PRKCQ: variants seen among roughly 807,000 people sequenced by gnomAD.
PRKCQ encodes protein kinase C theta type.
Under a neutral mutation model 91.2 loss-of-function variants are expected in PRKCQ, and 41 were observed. The ratio of observed to expected loss-of-function variants is 0.45; its 90% CI spans 0.35 to 0.58. The LOEUF is 0.58. Among genes scored for constraint, PRKCQ ranks in the 20% least tolerant of loss-of-function variants. The pLI is 0.00. For missense variants in PRKCQ, 673 were observed against 896.5 expected (o/e 0.75, Z 3.18); for synonymous variants, 307 against 316.9 (o/e 0.97, Z 0.33).
At chr10:6,413,142 C>A in the PRKCQ span, among the ~76,000 whole-genome samples, 1 of 151,930 alleles carries the variant, frequency 6.6e-6, no homozygotes, top group East Asian at 2.0e-4. Flanking sequence ...TTAGTAGAGA[C>A]GGGGTTTCAC....
chr10:6,562,293 C>T (rs934406800), intron 1 of PRKCQ, among the ~76,000 whole-genome samples: 7 of 152,172 alleles, frequency 4.6e-5, no homozygotes, highest in African/African-American at 1.7e-4. Context: ...CAAGTTTTCC[C>T]TGAAAAGACA....
intron 1 of PRKCQ, among the ~76,000 whole-genome samples, chr10:6,567,485 G>A (rs1253819506): frequency 6.6e-6 from 1 of 152,230 alleles, no homozygotes; most frequent in Non-Finnish European, 1.5e-5. Flanking sequence ...TGCAGACAAA[G>A]ATGAGTGTAG....
chr10:6,445,708 G>A (rs1240436089), intron 15 of PRKCQ, among the ~76,000 whole-genome samples: 1 of 152,196 alleles, frequency 6.6e-6, no homozygotes, highest in Non-Finnish European at 1.5e-5. Context: ...ATATTTACAT[G>A]CTAAAGTTTA....
intron 7 of PRKCQ, among the ~76,000 whole-genome samples, chr10:6,496,669 CT>C (rs961541601): frequency 5.4e-4 from 79 of 145,222 alleles, no homozygotes; most frequent in East Asian, 9.9e-4. Context: ...GTGCAGATTT[CT>C]TTTTTTTTTT....
chr10:6,499,066 G>A (rs1837768846), intron 4 of PRKCQ, among the ~76,000 whole-genome samples: 1 of 152,188 alleles, frequency 6.6e-6, no homozygotes, highest in African/African-American at 2.4e-5. Context: ...AGTAGACTAG[G>A]GGGAGCTGAC....
chr10:6,547,970 C>T (rs1008595532), intron 1 of PRKCQ, among the ~76,000 whole-genome samples: 5 of 149,580 alleles, frequency 3.3e-5, no homozygotes, highest in Admixed American at 6.6e-5. Context: ...AGAAAATTTT[C>T]GCAACCTACT....
At chr10:6,554,280 G>A (rs6602820) in intron 1 of PRKCQ, among the ~76,000 whole-genome samples, 67,157 of 152,086 alleles carry the variant, frequency 0.44, 18,067 homozygotes, top group Admixed American at 0.59. Flanking sequence ...CTGCAACTCC[G>A]AAGAGAGAGA....
At chr10:6,462,438 C>T in intron 13 of PRKCQ, 73 bp from the exon 14 acceptor site, 7 of 1,402,376 alleles carry the variant, frequency 5.0e-6, no homozygotes, top group Non-Finnish European at 4.0e-6. Context: ...CCCAGACTGA[C>T]CTTTTTCTGA....
chr10:6,415,957 G>A, the PRKCQ span, among the ~76,000 whole-genome samples: 2 of 151,994 alleles, frequency 1.3e-5, no homozygotes, highest in African/African-American at 4.8e-5. Context: ...ATATTGGCCA[G>A]GCTGGTCTTG....
chr10:6,427,031 C>T (rs968175131), downstream of PRKCQ: 4 of 152,292 alleles, frequency 2.6e-5, no homozygotes, highest in Non-Finnish European at 5.9e-5. Flanking sequence ...CCATCGTGCC[C>T]AGCCAATCCC....
At chr10:6,450,816 C>T (rs1339678762) in intron 15 of PRKCQ, among the ~76,000 whole-genome samples, 2 of 152,136 alleles carry the variant, frequency 1.3e-5, no homozygotes, top group Non-Finnish European at 2.9e-5. Context: ...CAATCTGCTC[C>T]TGAATGACTA....
chr10:6,394,170 G>A, the PRKCQ span, among the ~76,000 whole-genome samples: 4 of 152,222 alleles, frequency 2.6e-5, no homozygotes, highest in African/African-American at 9.6e-5. Flanking sequence ...GTGTCATGTC[G>A]TTCATTCCTT....
intron 1 of PRKCQ, among the ~76,000 whole-genome samples, chr10:6,527,815 A>G (rs1588386727): frequency 6.6e-6 from 1 of 152,196 alleles, no homozygotes; most frequent in South Asian, 2.1e-4. Context: ...CAGGATCCAC[A>G]TTCCCCTACA....
At chr10:6,489,099 A>G (rs886970537) in intron 8 of PRKCQ, among the ~76,000 whole-genome samples, 2 of 152,042 alleles carry the variant, frequency 1.3e-5, no homozygotes, top group African/African-American at 4.8e-5. Context: ...TTACTATAGA[A>G]AGGATTTTTT....
chr10:6,524,132 C>T (rs1839116957), intron 1 of PRKCQ, among the ~76,000 whole-genome samples: 2 of 152,214 alleles, frequency 1.3e-5, no homozygotes, highest in South Asian at 4.1e-4. Context: ...CAAAATCTTT[C>T]TCATGCTTCA....
chr10:6,450,793 T>C (rs1350228800), intron 15 of PRKCQ, among the ~76,000 whole-genome samples: 107 of 150,780 alleles, frequency 7.1e-4, no homozygotes, highest in Non-Finnish European at 1.3e-3. Flanking sequence ...TGCTCAACTG[T>C]GTGGAAACTG....
chr10:6,560,266 G>A (rs1840578099), intron 1 of PRKCQ, among the ~76,000 whole-genome samples: 1 of 152,182 alleles, frequency 6.6e-6, no homozygotes, highest in Admixed American at 6.5e-5. Flanking sequence ...CAGCATTTCA[G>A]GTGCTGGATA....
intron 1 of PRKCQ, among the ~76,000 whole-genome samples, chr10:6,545,726 G>A (rs909940697): frequency 2.0e-5 from 3 of 152,112 alleles, no homozygotes; most frequent in African/African-American, 7.2e-5. Context: ...CTTCAAATTG[G>A]TTCAGGCCAG....
At chr10:6,539,911 T>C (rs1348274768) in intron 1 of PRKCQ, among the ~76,000 whole-genome samples, 3 of 152,236 alleles carry the variant, frequency 2.0e-5, no homozygotes, top group African/African-American at 7.2e-5. Flanking sequence ...CACTGAAATT[T>C]ACCTCCTTGG....
Sources: allele counts gnomAD v4.1 joint callset (sites outside exome capture counted in the v4.1 genomes callset), GRCh38; gene constraint gnomAD v4.1.1; transcripts MANE v1.5; gene names NCBI Gene and HGNC (gene_info 2026-07-23, HGNC 2026-07-21).